The following RCOR3 variants were observed in gnomAD, a reference collection of about 807,000 sequenced individuals.
The protein encoded by RCOR3 is REST corepressor 3.
A neutral mutation model predicts 64.1 loss-of-function variants in RCOR3; 13 were observed. The observed-to-expected ratio is 0.20, with a 90% CI of 0.13 to 0.32. The LOEUF is 0.32. Among genes scored for constraint, RCOR3 ranks in the 10% least tolerant of loss-of-function variants. RCOR3 has a pLI of 1.00. For missense variants in RCOR3, 489 were observed against 701.2 expected (o/e 0.70, Z 3.42); for synonymous variants, 215 against 239.0 (o/e 0.90, Z 0.93).
chr1:211,259,985 C>A (rs1209117916), intron 1 of RCOR3, 123 bp from the exon 2 acceptor site: 2 of 1,227,284 alleles, frequency 1.6e-6, no homozygotes, highest in South Asian at 1.8e-5. Context: ...GAGTTGATAT[C>A]TTCCCATCCA....
At position 211,265,342 on chromosome 1, in the gene RCOR3, A is replaced by G. The variant is rs752263143; in HGVS notation, c.223+5178A>G. On this transcript the variant is annotated intron_variant, in intron 2 of 11. Transcript: ENST00000419091. The stretch of plus-strand genomic sequence containing the variant: ...AGCTTCTAACATTCTCAAAGTTTAC[A>G]TTGTTCCTTTTTGTCTTTGAAGTCA... Among the ~76,000 whole-genome samples, 11 of 152,308 alleles carry G rather than the reference A, an allele frequency of 7.2e-5. No individual in the cohort carries two copies. In the East Asian group the frequency reaches 1.7e-3, roughly 24 times the overall value.
At chr1:211,264,711 T>G (rs1191044806) in intron 2 of RCOR3, among the ~76,000 whole-genome samples, 1 of 152,212 alleles carries the variant, frequency 6.6e-6, no homozygotes, top group Non-Finnish European at 1.5e-5. Flanking sequence ...TTAAAGTGAT[T>G]ATTTTAGGAA....
chr1:211,286,763 CT>C (rs771914321), intron 7 of RCOR3, among the ~76,000 whole-genome samples: 15 of 152,146 alleles, frequency 9.9e-5, no homozygotes, highest in Non-Finnish European at 1.9e-4. Context: ...GATTTATATA[CT>C]AGTTTTGTGC....
chr1:211,310,840 T>G (rs886331544), intron 10 of RCOR3, among the ~76,000 whole-genome samples: 1 of 152,194 alleles, frequency 6.6e-6, no homozygotes, highest in Non-Finnish European at 1.5e-5. Flanking sequence ...AGGAATACAG[T>G]CTAATCCTAG....
rs1427174261 is a variant in RCOR3, at chr1:211,312,697, G to T, written c.1076-23G>T. ...CTCTCCTTATTGATCCTTCACAGGT[G>T]TATTATTTACTTTGCCTTCCAGGTG... On this transcript the variant is annotated intron_variant, in intron 10 of 11. Transcript: ENST00000419091. The surrounding 1 kb of genome is among the most constrained non-coding windows in gnomAD (Gnocchi z 5.0). 2 of 1,533,580 alleles carry T rather than the reference G, an allele frequency of 1.3e-6. No individual in the cohort carries two copies. The highest frequency in any genetic ancestry group is 1.7e-5 in the Admixed American group (1 of 59,760). The allele number at this position is 1,533,580 out of a possible 1,614,324, so 95.0% of individuals were successfully genotyped here.
chr1:211,280,984 CAAA>C (rs57531814), intron 7 of RCOR3, among the ~76,000 whole-genome samples: 5 of 114,008 alleles, frequency 4.4e-5, no homozygotes, highest in African/African-American at 1.1e-4. Flanking sequence ...AACTCCATCT[CAAA>C]AAAAAAAAAA....
rs1367645278 is a variant in RCOR3 at position 211,312,380 on chromosome 1, G to C, written c.1076-340G>C. 1 of 476,500 alleles carries C rather than the reference G, an allele frequency of 2.1e-6. No homozygotes were observed. The highest frequency in any genetic ancestry group is 4.2e-6 in the Non-Finnish European group (1 of 240,652). The allele number at this position is 476,500 out of a possible 1,614,324, so 29.5% of individuals were successfully genotyped here. A position where few individuals can be genotyped will look rare whatever the true frequency, so the allele number is the denominator to read the frequency against. On this transcript the variant is annotated intron_variant, in intron 10 of 11. Transcript: ENST00000419091. The surrounding 1 kb of genome is among the most constrained non-coding windows in gnomAD (Gnocchi z 5.0). ...GTGACTGGCTACTAGGGAAATAAAT[G>C]AATGTGGAATTGAGGATGGAACAAA...
chr1:211,287,932 G>A (rs1048985294), intron 7 of RCOR3, among the ~76,000 whole-genome samples: 6 of 151,844 alleles, frequency 4.0e-5, no homozygotes, highest in African/African-American at 1.2e-4. Flanking sequence ...GTATTAGGCC[G>A]GGCGTGTTGG....
intron 2 of RCOR3, among the ~76,000 whole-genome samples, chr1:211,264,221 A>G (rs1273358777): frequency 1.3e-5 from 2 of 152,174 alleles, no homozygotes; most frequent in Non-Finnish European, 2.9e-5. Context: ...ATCCATCTTT[A>G]TGGAGATTGT....
chr1:211,266,039 C>T (rs917649553), intron 2 of RCOR3, among the ~76,000 whole-genome samples: 3 of 151,790 alleles, frequency 2.0e-5, no homozygotes, highest in African/African-American at 7.3e-5. Flanking sequence ...ATCATTTGAC[C>T]GCAGGTGAGT....
chr1:211,263,327 A>T (rs1490165052), intron 2 of RCOR3, among the ~76,000 whole-genome samples: 1 of 152,100 alleles, frequency 6.6e-6, no homozygotes, highest in Non-Finnish European at 1.5e-5. Flanking sequence ...AACTTAATTG[A>T]CGATAATATT....
chr1:211,281,810 C>T (rs141085377), intron 7 of RCOR3, among the ~76,000 whole-genome samples: 54 of 152,202 alleles, frequency 3.5e-4, no homozygotes, highest in African/African-American at 1.3e-3. Context: ...CTTATTTCTC[C>T]TTAAATCTGT....
At chr1:211,277,105 A>AT (rs1357034118) in intron 5 of RCOR3, among the ~76,000 whole-genome samples, 4 of 151,242 alleles carry the variant, frequency 2.6e-5, no homozygotes, top group Non-Finnish European at 5.9e-5. Flanking sequence ...AACAAAAAAA[A>AT]CAAAAAAACA....
intron 9 of RCOR3, among the ~76,000 whole-genome samples, chr1:211,297,474 GT>G (rs891601496): frequency 5.3e-5 from 8 of 152,066 alleles, no homozygotes; most frequent in African/African-American, 1.4e-4. Context: ...TATATGTCAT[GT>G]TGCCTCTTAC....
intron 2 of RCOR3, among the ~76,000 whole-genome samples, chr1:211,269,932 A>G (rs1405725388): frequency 6.6e-6 from 1 of 152,144 alleles, no homozygotes; most frequent in Admixed American, 6.5e-5. Context: ...GTTCAAGACC[A>G]GCCTAGGCAG....
At chr1:211,294,591 T>C (rs972868163) in intron 8 of RCOR3, among the ~76,000 whole-genome samples, 57 of 139,156 alleles carry the variant, frequency 4.1e-4, no homozygotes, top group Non-Finnish European at 6.2e-4. Flanking sequence ...TCTTTCTTTT[T>C]TTTTTTTTTT....
At chr1:211,277,836 T>A (rs1697227606) in intron 5 of RCOR3, among the ~76,000 whole-genome samples, 1 of 152,324 alleles carries the variant, frequency 6.6e-6, no homozygotes, top group South Asian at 2.1e-4. Context: ...ATATATTGAA[T>A]ACTAACATGG....
At chr1:211,295,796 T>G (rs1357466960) in intron 9 of RCOR3, 43 bp downstream of exon 9, 6 of 1,550,592 alleles carry the variant, frequency 3.9e-6, no homozygotes, top group Non-Finnish European at 2.7e-6. Flanking sequence ...TAGTGAAAAC[T>G]TGTTTTTTCA....
In RCOR3 at chr1:211,271,284, A is replaced by G. The variant is rs1696151173; in HGVS notation, c.276A>G (p.Pro92=). ...ATGGAGGGATGCTTGTATGGTCTCC[A>G]TATCACAGTATCCCAGATGCCAAAT... ...KDNGGMLVWS[P]YHSIPDAKLD... The change falls in exon 3 of 12, where the codon CCA becomes CCG. Residue 92 remains proline (P), a synonymous_variant. Transcript: ENST00000419091. The G allele has an allele frequency of 3.1e-6, 5 of 1,613,790 alleles. No individual in the cohort carries two copies. Among genetic ancestry groups the G allele is most frequent in the Non-Finnish European group, 4.2e-6 (5 of 1,179,760 alleles).
Sources: allele counts gnomAD v4.1 joint callset (sites outside exome capture counted in the v4.1 genomes callset), GRCh38; gene constraint gnomAD v4.1.1; non-coding constraint Gnocchi (gnomAD v3.1); transcripts MANE v1.5; gene names NCBI Gene and HGNC (gene_info 2026-07-23, HGNC 2026-07-21).